The following ABLIM1 variants were observed in gnomAD, a reference collection of about 807,000 sequenced individuals.
ABLIM1 encodes actin-binding LIM protein 1.
In ABLIM1, 40 loss-of-function variants were observed where a neutral mutation model predicts 107.0. The observed-to-expected ratio is 0.37, with a 90% CI of 0.29 to 0.49. The LOEUF is 0.49. Ranked by LOEUF, ABLIM1 falls within the 20% of genes least tolerant of loss-of-function variation. The pLI, the probability that ABLIM1 is intolerant of heterozygous loss-of-function variation, is 0.97. For missense variants in ABLIM1, 857 were observed against 1,008.5 expected (o/e 0.85, Z 2.04); for synonymous variants, 357 against 357.3 (o/e 1.00, Z 0.01).
intron 16 of ABLIM1, among the ~76,000 whole-genome samples, chr10:114,444,532 T>C (rs2060731532): frequency 6.6e-6 from 1 of 152,128 alleles, no homozygotes; most frequent in African/African-American, 2.4e-5. Context: ...ATAAAGGTAA[T>C]ACATGCTAAT....
chr10:114,718,060 A>AG, intron 1 of ABLIM1, among the ~76,000 whole-genome samples: 3 of 95,916 alleles, frequency 3.1e-5, no homozygotes, highest in South Asian at 3.9e-4. Context: ...AAAGAAAGAA[A>AG]GAAAGGAAGA....
At chr10:114,579,976 T>C (rs1330821008) in intron 2 of ABLIM1, among the ~76,000 whole-genome samples, 2 of 152,124 alleles carry the variant, frequency 1.3e-5, no homozygotes, top group African/African-American at 4.8e-5. Context: ...CCGGGGAGAC[T>C]AGATCGGTGT....
At chr10:114,440,558 G>A (rs1290740661) in intron 19 of ABLIM1, among the ~76,000 whole-genome samples, 2 of 151,976 alleles carry the variant, frequency 1.3e-5, no homozygotes, top group African/African-American at 2.4e-5. Flanking sequence ...CAATTCTCCT[G>A]CCTCAGCCTC....
intron 8 of ABLIM1, among the ~76,000 whole-genome samples, chr10:114,487,396 G>A (rs1387297483): frequency 6.6e-6 from 1 of 152,334 alleles, no homozygotes; most frequent in Non-Finnish European, 1.5e-5. Context: ...ACTGTGTACA[G>A]CGCTTTGCTT....
chr10:114,684,360 A>T (rs1289459263), exon 1 of ABLIM1: 2 of 1,613,966 alleles, frequency 1.2e-6, no homozygotes, highest in African/African-American at 2.7e-5. Flanking sequence ...ACATGCACAA[A>T]GCTCCAGGGT....
intron 3 of ABLIM1, among the ~76,000 whole-genome samples, chr10:114,574,450 T>A (rs927832407): frequency 9.8e-5 from 14 of 143,188 alleles, no homozygotes; most frequent in African/African-American, 3.8e-4. Flanking sequence ...TTTTATTTTA[T>A]TTTTTTTGAG....
intron 1 of ABLIM1, among the ~76,000 whole-genome samples, chr10:114,696,612 T>C (rs550924549): frequency 1.1e-4 from 16 of 152,314 alleles, no homozygotes; most frequent in Admixed American, 8.5e-4. Flanking sequence ...ATAAGTCTCA[T>C]GGGATCTGAT....
intron 1 of ABLIM1, among the ~76,000 whole-genome samples, chr10:114,645,703 T>C (rs572368968): frequency 2.4e-4 from 37 of 152,308 alleles, no homozygotes; most frequent in Admixed American, 1.6e-3. Context: ...GGAACTTGTA[T>C]GCACACAGAC....
intron 1 of ABLIM1, among the ~76,000 whole-genome samples, chr10:114,604,092 G>A (rs1190582939): frequency 6.6e-6 from 1 of 152,098 alleles, no homozygotes; most frequent in Non-Finnish European, 1.5e-5. Context: ...CATAGTGCAG[G>A]GTGTTTACAT....
At chr10:114,747,328 G>A (rs1174202411) in intron 1 of ABLIM1, among the ~76,000 whole-genome samples, 1 of 152,204 alleles carries the variant, frequency 6.6e-6, no homozygotes, top group Non-Finnish European at 1.5e-5. Context: ...ACGGGGACAT[G>A]GAAGCTTTCT....
At position 114,445,845 on chromosome 10, in the gene ABLIM1, A is replaced by C. The variant is rs141698917; in HGVS notation, c.1736-442T>G. 3.8e-3 allele frequency among the ~76,000 whole-genome samples: 573 copies of C among 152,328 alleles called. 13 individuals carry two copies. Among genetic ancestry groups the C allele is most frequent in the Admixed American group, 0.026 (404 of 15,306 alleles). On this transcript the variant is annotated intron_variant, in intron 15 of 22. Coordinates refer to ENST00000533213, the MANE Select transcript of ABLIM1 (RefSeq NM_002313.7). ...GAGTACAGTGATGCAATCATGGCTC[A>C]GTGCAGCCTCGACCTCCAGGCTCAA...
At chr10:114,467,762 T>A (rs896712017) in intron 11 of ABLIM1, among the ~76,000 whole-genome samples, 9 of 152,212 alleles carry the variant, frequency 5.9e-5, no homozygotes, top group African/African-American at 2.2e-4. Flanking sequence ...GATGATTGAT[T>A]TCAGACTAAA....
chr10:114,452,743 T>A (rs949350734), intron 13 of ABLIM1, among the ~76,000 whole-genome samples: 2 of 152,218 alleles, frequency 1.3e-5, no homozygotes, highest in Non-Finnish European at 2.9e-5. Flanking sequence ...GCTCTGATTA[T>A]TTCAGTTTCT....
intron 17 of ABLIM1, 51 bp from the exon 18 acceptor site, chr10:114,441,837 A>G: frequency 6.6e-7 from 1 of 1,523,904 alleles, no homozygotes; most frequent in Non-Finnish European, 9.1e-7. Context: ...AGAAGGTCCA[A>G]TCCTTTAATG....
At chr10:114,634,191 G>A (rs1423578725) in intron 1 of ABLIM1, among the ~76,000 whole-genome samples, 3 of 123,776 alleles carry the variant, frequency 2.4e-5, no homozygotes, top group Non-Finnish European at 4.8e-5. Context: ...GGAGTGCAGT[G>A]GCGCGATCTC....
intron 6 of ABLIM1, among the ~76,000 whole-genome samples, chr10:114,541,785 T>A (rs1386362759): frequency 6.6e-6 from 1 of 152,164 alleles, no homozygotes; most frequent in African/African-American, 2.4e-5. Flanking sequence ...ATGACTCAGG[T>A]CTTGAAGCAG....
At chr10:114,670,529 G>T (rs2080206356) in intron 1 of ABLIM1, among the ~76,000 whole-genome samples, 1 of 152,172 alleles carries the variant, frequency 6.6e-6, no homozygotes, top group Non-Finnish European at 1.5e-5. Context: ...ACAGGGTCTT[G>T]CTCCCTCATC....
At chr10:114,464,184 ATTT>A (rs1222001152) in intron 12 of ABLIM1, among the ~76,000 whole-genome samples, 6 of 131,340 alleles carry the variant, frequency 4.6e-5, no homozygotes, top group Admixed American at 7.7e-5. Flanking sequence ...AGCATAAAGG[ATTT>A]TTTTTTTTTT....
At chr10:114,679,406 G>A (rs1296740880) in intron 1 of ABLIM1, among the ~76,000 whole-genome samples, 2 of 151,950 alleles carry the variant, frequency 1.3e-5, no homozygotes, top group Non-Finnish European at 2.9e-5. Flanking sequence ...AGGCCTAGGC[G>A]GGTGGATCAC....
Sources: allele counts gnomAD v4.1 joint callset (sites outside exome capture counted in the v4.1 genomes callset), GRCh38; gene constraint gnomAD v4.1.1; transcripts MANE v1.5; gene names NCBI Gene and HGNC (gene_info 2026-07-23, HGNC 2026-07-21).